Variants in MAGEL2 observed in about 807,000 individuals in gnomAD.
The protein encoded by MAGEL2 is MAGE-like protein 2.
For synonymous variants in MAGEL2, 792 were observed against 721.7 expected, an observed-to-expected ratio of 1.10 and a Z score of -1.56; for missense variants, 1,830 against 1,699.2, an observed-to-expected ratio of 1.08 and a Z score of -1.35.
At position 23,646,850 on chromosome 15, in the gene MAGEL2, A is replaced by T. The variant is rs1405769428; in HGVS notation, c.893T>A (p.Met298Lys). The T allele has an allele frequency of 2.6e-6, 4 of 1,536,646 alleles. No individual in the cohort carries two copies. Among genetic ancestry groups the T allele is most frequent in the East Asian group, 2.4e-5 (1 of 40,916 alleles). Reference sequence around the variant, plus strand: ...TGCTCCTGAAGCTGGAGGCTGGGTCATCGGAGCTCTCGCACCTGGAGGATG... The same window carrying T: ...TGCTCCTGAAGCTGGAGGCTGGGTCTTCGGAGCTCTCGCACCTGGAGGATG... ...MIHPPGARAP[M>K]TQPPASGAPM... is the part of the protein sequence containing the mutation. Residue 298 changes from methionine (M) to lysine (K), a missense_variant, in exon 1 of 1, where the codon ATG becomes AAG. Coordinates refer to ENST00000650528, the MANE Select transcript of MAGEL2 (RefSeq NM_019066.5). This position sits in a 1 kb window ranked among gnomAD's most constrained non-coding sequence, Gnocchi z 4.2.
Position 23,647,618 on chromosome 15 carries a change from A to G in MAGEL2, c.125T>C (p.Val42Ala). The G allele has an allele frequency of 6.5e-7, 1 of 1,536,898 alleles. No homozygotes were observed. ...GTCAATTGGAGGTGGATCCCAAGGGACTGGCGGAGCCCGGGAGGAAGCGGG... is the reference window on the plus strand; with the variant it reads ...GTCAATTGGAGGTGGATCCCAAGGGGCTGGCGGAGCCCGGGAGGAAGCGGG... ...APPASSRAPP[V>A]PWDPPPIDLQ... Residue 42 changes from valine to alanine, a missense_variant, in exon 1 of 1, where the codon GTC (valine) becomes GCC (alanine). By Grantham distance (64) the Val-to-Ala change is moderately conservative (BLOSUM62 0). Coordinates refer to ENST00000650528, the MANE Select transcript of MAGEL2 (RefSeq NM_019066.5).
Position 23,646,781 on chromosome 15 carries a change from G to A in MAGEL2, c.962C>T (p.Pro321Leu). The change falls in exon 1 of 1, where the codon CCA becomes CTA. Residue 321 changes from proline (P) to leucine (L), a missense_variant. By Grantham distance (98) the Pro-to-Leu change is moderately conservative. Transcript: ENST00000650528. The surrounding 1 kb of genome is among the most constrained non-coding windows in gnomAD (Gnocchi z 4.2). ...CCAAGAAGCCATCGGCTGTGCAGGT[G>A]GGGCCATCGGCTGTGCAGGTGGGGC... ...PAAPPAQPMAPPAQPMASWAP... is the reference protein window; with the variant it reads ...PAAPPAQPMALPAQPMASWAP... The A allele has an allele frequency of 6.5e-7, 1 of 1,533,808 alleles. No homozygotes were observed.
In MAGEL2 at chr15:23,647,473, G is replaced by T; in HGVS notation, c.270C>A (p.Val90=). Residue 90 remains valine (V), a synonymous_variant, in exon 1 of 1, where the codon GTC becomes GTA. Coordinates refer to ENST00000650528, the MANE Select transcript of MAGEL2 (RefSeq NM_019066.5). ...TCGGGCCCCCCAGCGGGGGAGCCGG[G>T]ACTATCGGGCCCCCTAGGGCAGGAG... ...TQPPALGGPI[V]PAPPLGGPMG... 1 of 1,533,846 alleles carries T rather than the reference G, an allele frequency of 6.5e-7. No individual in the cohort carries two copies. The highest frequency in any genetic ancestry group is 2.4e-5 in the East Asian group (1 of 40,852).
Position 23,645,987 on chromosome 15 carries a change from T to C in MAGEL2, c.1756A>G (p.Ile586Val), listed in dbSNP as rs1412543665. 6.4e-7 allele frequency: 1 copy of C among 1,555,978 alleles called. No homozygotes were observed. The highest frequency in any genetic ancestry group is 8.7e-7 in the Non-Finnish European group (1 of 1,149,912). Residue 586 changes from isoleucine to valine, a missense_variant, in exon 1 of 1, where the codon ATC (isoleucine) becomes GTC (valine). Coordinates refer to ENST00000650528, the MANE Select transcript of MAGEL2 (RefSeq NM_019066.5). ...APQAVHCPSI[I>V]WQAPKGQPPV... ...GGCTGACCTTTGGGGGCCTGCCAGA[T>C]GATGGAAGGGCAGTGCACAGCCTGC...
rs1890363254 is a variant in MAGEL2, at chr15:23,645,031, G to A, written c.2712C>T (p.Ala904=). 2 of 1,613,868 alleles carry A rather than the reference G, an allele frequency of 1.2e-6. No individual in the cohort carries two copies. Among genetic ancestry groups the A allele is most frequent in the Admixed American group, 1.7e-5 (1 of 60,014 alleles). ...GCCTTGGGCCCTGCCAGTCATGAAA[G>A]GCTAGCGTGTGGCCACGGCTGTCCT... ...AQEDSRGHTL[A]FHDWQGPRPW... is the part of the protein sequence containing the mutation. The change falls in exon 1 of 1, where the codon GCC becomes GCT. Residue 904 remains alanine (A), a synonymous_variant. Transcript: ENST00000650528.
In MAGEL2 at chr15:23,647,023, G is replaced by T; in HGVS notation, c.720C>A (p.Ala240=). ...TCAGGACTCCCGGAGTCAGAGGCTG[G>T]GCCATCAGGACTCCCGGAGCTGGAG... The part of the protein sequence containing the change: ...AQPPAPGVLM[A]QPLTPGVLMV... The change falls in exon 1 of 1, where the codon GCC becomes GCA. Residue 240 remains alanine, a synonymous_variant. Transcript: ENST00000650528. 6.5e-7 allele frequency: 1 copy of T among 1,536,522 alleles called. No homozygotes were observed. Among genetic ancestry groups the T allele is most frequent in the Non-Finnish European group, 8.7e-7 (1 of 1,146,706 alleles).
rs1555374214 is a variant in MAGEL2 at position 23,645,526 on chromosome 15, C to T, written c.2217G>A (p.Ser739=). 5 of 1,613,794 alleles carry T rather than the reference C, an allele frequency of 3.1e-6. No individual in the cohort carries two copies. The highest frequency in any genetic ancestry group is 1.1e-5 in the South Asian group (1 of 91,054). ...RGSSKERRTS[S]KERRAPSKDR... ...CTTTTGAAGGGGCCCTGCGCTCCTT[C>T]GAGGAGGTCCTGCGCTCTTTAGAGG... Residue 739 remains serine (S), a synonymous_variant, in exon 1 of 1, where the codon TCG becomes TCA. Coordinates refer to ENST00000650528, the MANE Select transcript of MAGEL2 (RefSeq NM_019066.5).
Position 23,647,073 on chromosome 15 carries a change from G to T in MAGEL2, c.670C>A (p.Pro224Thr), listed in dbSNP as rs756716697. ...PPGTPMAHPP[P>T]PGTPMAQPPA... ...GGCTGGGCCATCGGTGTACCCGGAG[G>T]GGGAGGATGAGCCATCGGTGTCCCC... is the stretch of plus-strand genomic sequence containing the variant. Residue 224 changes from proline (P) to threonine (T), a missense_variant, in exon 1 of 1, where the codon CCT becomes ACT. Pro to Thr is a conservative substitution (Grantham distance 38). Coordinates refer to ENST00000650528, the MANE Select transcript of MAGEL2 (RefSeq NM_019066.5). 2 of 1,535,254 alleles carry T rather than the reference G, an allele frequency of 1.3e-6. No homozygotes were observed. The highest frequency in any genetic ancestry group is 1.4e-5 in the African/African-American group (1 of 72,894).
In MAGEL2 at chr15:23,646,054, C is replaced by A. The variant is rs2140715272; in HGVS notation, c.1689G>T (p.Gln563His). 1.3e-6 allele frequency: 2 copies of A among 1,519,808 alleles called. No homozygotes were observed. The highest frequency in any genetic ancestry group is 1.8e-6 in the Non-Finnish European group (2 of 1,134,834). 94.1% of individuals were successfully genotyped at this position (1,519,808 alleles called of 1,614,324 possible). Residue 563 changes from glutamine to histidine, a missense_variant, in exon 1 of 1, where the codon CAG (glutamine) becomes CAT (histidine). Gln to His is a conservative substitution (Grantham distance 24, BLOSUM62 0). Transcript: ENST00000650528. This position sits in a 1 kb window ranked among gnomAD's most constrained non-coding sequence, Gnocchi z 4.2. ...AAPPAGPQVP[Q>H]PVLPAPLSAP... The stretch of plus-strand genomic sequence containing the variant: ...CAGACAGCGGGGCCGGCAGCACAGG[C>A]TGGGGCACCTGCGGGCCAGCGGGCG...
Position 23,646,083 on chromosome 15 carries a change from C to G in MAGEL2, c.1660G>C (p.Ala554Pro). ...TAPPATQVPA[A>P]PPAGPQVPQP... ...GGCACCTGCGGGCCAGCGGGCGGCG[C>G]CGCGGGTACCTGCGTAGCAGGTGGG... is the stretch of plus-strand genomic sequence containing the variant. The change falls in exon 1 of 1, where the codon GCG becomes CCG. Residue 554 changes from alanine (A) to proline (P), a missense_variant. Ala to Pro is a conservative substitution (Grantham distance 27). Coordinates refer to ENST00000650528, the MANE Select transcript of MAGEL2 (RefSeq NM_019066.5). This position sits in a 1 kb window ranked among gnomAD's most constrained non-coding sequence, Gnocchi z 4.2. 1 of 1,464,864 alleles carries G rather than the reference C, an allele frequency of 6.8e-7. No homozygotes were observed. Among genetic ancestry groups the G allele is most frequent in the Non-Finnish European group, 9.0e-7 (1 of 1,114,588 alleles). 90.7% of individuals were successfully genotyped at this position (1,464,864 alleles called of 1,614,324 possible).
rs764254872 is a variant in MAGEL2, at chr15:23,645,052, G to C, written c.2691C>G (p.Asp897Glu). ...RKKKHLEAQEDSRGHTLAFHD... is the reference protein window; with the variant it reads ...RKKKHLEAQEESRGHTLAFHD... Reference sequence around the variant, plus strand: ...GAAAGGCTAGCGTGTGGCCACGGCTGTCCTCTTGGGCTTCCAGATGCTTCT... The same window carrying C: ...GAAAGGCTAGCGTGTGGCCACGGCTCTCCTCTTGGGCTTCCAGATGCTTCT... The change falls in exon 1 of 1, where the codon GAC becomes GAG. Residue 897 changes from aspartate (D) to glutamate (E), a missense_variant. Physicochemically the swap from Asp to Glu is conservative, Grantham distance 45. Transcript: ENST00000650528. 2 of 1,613,936 alleles carry C rather than the reference G, an allele frequency of 1.2e-6. No homozygotes were observed. The highest frequency in any genetic ancestry group is 1.1e-5 in the South Asian group (1 of 91,086).
Position 23,647,008 on chromosome 15 carries a change from C to T in MAGEL2, c.735G>A (p.Pro245=), listed in dbSNP as rs1042816043. 2.3e-5 allele frequency: 36 copies of T among 1,536,620 alleles called. No individual in the cohort carries two copies. The highest frequency in any genetic ancestry group is 6.9e-5 in the African/African-American group (5 of 72,936). Residue 245 remains proline (P), a synonymous_variant, in exon 1 of 1, where the codon CCG becomes CCA. Transcript: ENST00000650528. ...CAGCAGGCTGGACCATCAGGACTCC[C>T]GGAGTCAGAGGCTGGGCCATCAGGA... ...PGVLMAQPLT[P]GVLMVQPAAP...
rs1246408315 is a variant in MAGEL2, at chr15:23,643,921, C to T, written c.*72G>A. ...GGAACTGGAACACAAACACCAGGAA[C>T]AAAAATGTCCCCCCACCCTGTCAGT... On this transcript the variant is annotated 3_prime_UTR_variant, in exon 1 of 1. Coordinates refer to ENST00000650528, the MANE Select transcript of MAGEL2 (RefSeq NM_019066.5). 2.1e-6 allele frequency: 3 copies of T among 1,448,368 alleles called. No individual in the cohort carries two copies. The highest frequency in any genetic ancestry group is 2.7e-6 in the Non-Finnish European group (3 of 1,098,114). 89.7% of individuals were successfully genotyped at this position (1,448,368 alleles called of 1,614,324 possible).
rs1465652130 is a variant in MAGEL2, at chr15:23,647,821, C to T, written c.-79G>A. 8.7e-6 allele frequency: 12 copies of T among 1,379,678 alleles called. No homozygotes were observed. The highest frequency in any genetic ancestry group is 1.0e-5 in the Non-Finnish European group (11 of 1,056,980). The allele number at this position is 1,379,678 out of a possible 1,614,324, so 85.5% of individuals were successfully genotyped here. A position where few individuals can be genotyped will look rare whatever the true frequency, so the allele number is the denominator to read the frequency against. On this transcript the variant is annotated 5_prime_UTR_variant, in exon 1 of 1. Coordinates refer to ENST00000650528, the MANE Select transcript of MAGEL2 (RefSeq NM_019066.5). ...TCCTCCAGAGAGAAGAGAATGCCTA[C>T]GTGGCTGTTCAGAGGCTCCCTCCCT... is the stretch of plus-strand genomic sequence containing the variant.
In MAGEL2 at chr15:23,645,277, C is replaced by G. The variant is rs2140713739; in HGVS notation, c.2466G>C (p.Gln822His). 6.2e-7 allele frequency: 1 copy of G among 1,613,992 alleles called. No individual in the cohort carries two copies. The highest frequency in any genetic ancestry group is 8.5e-7 in the Non-Finnish European group (1 of 1,179,900). ...ETPKSLPYALQDPFACVEALP... is the reference protein window; with the variant it reads ...ETPKSLPYALHDPFACVEALP... ...GGGCCTCTACACAGGCAAAGGGATC[C>G]TGCAGAGCATATGGCAGTGACTTTG... The change falls in exon 1 of 1, where the codon CAG becomes CAC. Residue 822 changes from glutamine (Q) to histidine (H), a missense_variant. Coordinates refer to ENST00000650528, the MANE Select transcript of MAGEL2 (RefSeq NM_019066.5).
At position 23,646,073 on chromosome 15, in the gene MAGEL2, G is replaced by A. The variant is rs781233225; in HGVS notation, c.1670C>T (p.Ala557Val). ...PATQVPAAPP[A>V]GPQVPQPVLP... ...CACAGGCTGGGGCACCTGCGGGCCA[G>A]CGGGCGGCGCCGCGGGTACCTGCGT... The change falls in exon 1 of 1, where the codon GCT (alanine) becomes GTT (valine). Residue 557 changes from alanine to valine, a missense_variant. Ala to Val is a moderately conservative substitution (Grantham distance 64, BLOSUM62 0). Transcript: ENST00000650528. This position sits in a 1 kb window ranked among gnomAD's most constrained non-coding sequence, Gnocchi z 4.2. 2.2e-5 allele frequency: 32 copies of A among 1,486,258 alleles called. No individual in the cohort carries two copies. The highest frequency in any genetic ancestry group is 2.9e-5 in the Non-Finnish European group (32 of 1,122,668). The allele number at this position is 1,486,258 out of a possible 1,614,324, so 92.1% of individuals were successfully genotyped here. A position where few individuals can be genotyped will look rare whatever the true frequency, so the allele number is the denominator to read the frequency against.
At position 23,645,502 on chromosome 15, in the gene MAGEL2, T is replaced by C. The variant is rs1337166112; in HGVS notation, c.2241A>G (p.Lys747=). The change falls in exon 1 of 1, where the codon AAA becomes AAG. Residue 747 remains lysine, a synonymous_variant. Transcript: ENST00000650528. ...AGGTGGCAGCAAAGATCATGCGGTC[T>C]TTTGAAGGGGCCCTGCGCTCCTTCG... The part of the protein sequence containing the change: ...TSSKERRAPS[K]DRMIFAATFC... 1.2e-6 allele frequency: 2 copies of C among 1,613,908 alleles called. No individual in the cohort carries two copies. The highest frequency in any genetic ancestry group is 1.7e-6 in the Non-Finnish European group (2 of 1,179,842).
At position 23,645,114 on chromosome 15, in the gene MAGEL2, C is replaced by T. The variant is rs755998685; in HGVS notation, c.2629G>A (p.Glu877Lys). The T allele has an allele frequency of 1.1e-5, 18 of 1,613,640 alleles. No individual in the cohort carries two copies. The highest frequency in any genetic ancestry group is 4.4e-5 in the South Asian group (4 of 91,090). Residue 877 changes from glutamate (E) to lysine (K), a missense_variant, in exon 1 of 1, where the codon GAG becomes AAG. Coordinates refer to ENST00000650528, the MANE Select transcript of MAGEL2 (RefSeq NM_019066.5). ...TTQEASKTSV[E>K]PPRRSGKATR... ...GCCTTGCCGGAGCGGCGTGGCGGCT[C>T]GACGGAGGTCTTGGAGGCCTCTTGA...
At position 23,644,921 on chromosome 15, in the gene MAGEL2, C is replaced by A. The variant is rs770798048; in HGVS notation, c.2822G>T (p.Arg941Leu). 1 of 1,613,442 alleles carries A rather than the reference C, an allele frequency of 6.2e-7. No individual in the cohort carries two copies. The highest frequency in any genetic ancestry group is 8.5e-7 in the Non-Finnish European group (1 of 1,179,870). Residue 941 changes from arginine to leucine, a missense_variant, in exon 1 of 1, where the codon CGT becomes CTT. Coordinates refer to ENST00000650528, the MANE Select transcript of MAGEL2 (RefSeq NM_019066.5). ...SGDWEHPNTP[R>L]GLSGWEGPST... ...AGGGCCCTCCCAACCACTCAGGCCA[C>A]GGGGGGTGTTTGGGTGCTCCCAGTC...
Sources: gnomAD v4.1 joint callset for allele counts on GRCh38, gnomAD v4.1.1 for gene constraint, Gnocchi (gnomAD v3.1) non-coding constraint, MANE v1.5 for transcripts, NCBI Gene and HGNC (gene_info 2026-07-23, HGNC 2026-07-21) for gene names.